USP37: variants seen among roughly 807,000 people sequenced by gnomAD.
The protein encoded by USP37 is ubiquitin specific peptidase 37.
A neutral mutation model predicts 124.0 loss-of-function variants in USP37; 27 were observed. That is an observed-to-expected ratio of 0.22 (90% CI 0.16 to 0.30). USP37 has a LOEUF of 0.30. Among genes scored for constraint, USP37 ranks in the 10% least tolerant of loss-of-function variants. The pLI is 1.00. For missense variants in USP37, 889 were observed against 1,140.4 expected, an observed-to-expected ratio of 0.78 and a Z score of 3.17; for synonymous variants, 365 against 388.0, an observed-to-expected ratio of 0.94 and a Z score of 0.70.
intron 20 of USP37, among the ~76,000 whole-genome samples, chr2:218,472,878 C>T (rs1304777819): frequency 6.6e-6 from 1 of 152,112 alleles, no homozygotes; most frequent in East Asian, 1.9e-4. Context: ...ATTCTCATTT[C>T]TCCAGTTGTT....
rs1479324789 is a variant in USP37 at position 218,562,664 on chromosome 2, A to G, written c.-89+9T>C. Reference sequence around the variant, plus strand: ...TGAAACATATATCCAAAACAAAAACATTACTTACTTTTCAGTGACTTTTAC... The same window carrying G: ...TGAAACATATATCCAAAACAAAAACGTTACTTACTTTTCAGTGACTTTTAC... On this transcript the variant is annotated intron_variant, in intron 2 of 25. Coordinates refer to ENST00000258399, the MANE Select transcript of USP37 (RefSeq NM_020935.3). The G allele has an allele frequency of 7.5e-6, 3 of 398,452 alleles. No homozygotes were observed. The highest frequency in any genetic ancestry group is 4.4e-6 in the Non-Finnish European group (1 of 225,988). 24.7% of individuals were successfully genotyped at this position (398,452 alleles called of 1,614,324 possible).
intron 15 of USP37, 75 bp downstream of exon 15, chr2:218,488,229 C>G (rs1270117603): frequency 1.1e-6 from 1 of 909,364 alleles, no homozygotes; most frequent in Non-Finnish European, 1.6e-6. Context: ...TTGAAGAAAC[C>G]AACTTCAAAT....
chr2:218,522,678 A>G (rs1690726299), intron 10 of USP37, among the ~76,000 whole-genome samples: 1 of 151,532 alleles, frequency 6.6e-6, no homozygotes, highest in South Asian at 2.1e-4. Flanking sequence ...TAATTTGGGG[A>G]TAAATGATAT....
At position 218,466,160 on chromosome 2, in the gene USP37, A is replaced by G. The variant is rs1490374824; in HGVS notation, c.2316T>C (p.Thr772=). The G allele has an allele frequency of 1.2e-6, 2 of 1,605,088 alleles. No homozygotes were observed. The highest frequency in any genetic ancestry group is 3.5e-5 in the Admixed American group (2 of 57,186). Residue 772 remains threonine (T), a synonymous_variant, in exon 21 of 26, where the codon ACT becomes ACC. Coordinates refer to ENST00000258399, the MANE Select transcript of USP37 (RefSeq NM_020935.3). ...TITELDPASF[T]EITKDCDENK... ...TCTCATCACAGTCTTTAGTTATCTC[A>G]GTAAAACTGGCAGGATCTGAGGAAG... is the stretch of plus-strand genomic sequence containing the variant.
chr2:218,482,216 C>T lies in USP37; in HGVS notation c.1689G>A (p.Leu563=). ...NRLPRVLILH[L]KRYSFNVALS... is the part of the protein sequence containing the mutation. Reference sequence around the variant, plus strand: ...GAGCCACATTGAAGCTATATCGTTTCAAATGGAGAATGAGGACCCTGAAAA... The same window carrying T: ...GAGCCACATTGAAGCTATATCGTTTTAAATGGAGAATGAGGACCCTGAAAA... Residue 563 remains leucine, a synonymous_variant, in exon 17 of 26, where the codon TTG becomes TTA. Transcript: ENST00000258399. 1 of 1,611,596 alleles carries T rather than the reference C, an allele frequency of 6.2e-7. No individual in the cohort carries two copies. The highest frequency in any genetic ancestry group is 8.5e-7 in the Non-Finnish European group (1 of 1,178,456).
intron 4 of USP37, among the ~76,000 whole-genome samples, chr2:218,557,895 T>G (rs369817932): frequency 8.7e-6 from 1 of 114,738 alleles, no homozygotes; most frequent in Non-Finnish European, 1.7e-5. Flanking sequence ...CATGTCATTG[T>G]ATTCCAGCCT....
At chr2:218,467,040 C>T (rs1432614604) in intron 20 of USP37, among the ~76,000 whole-genome samples, 1 of 151,984 alleles carries the variant, frequency 6.6e-6, no homozygotes, top group Admixed American at 6.6e-5. Flanking sequence ...CGATTTTCCC[C>T]ATTTATTACA....
chr2:218,455,135 T>G, intron 25 of USP37, 118 bp from the exon 26 acceptor site: 1 of 1,187,392 alleles, frequency 8.4e-7, no homozygotes, highest in Non-Finnish European at 1.2e-6. Flanking sequence ...TTCCATTTCA[T>G]GCCTGTATTT....
intron 14 of USP37, among the ~76,000 whole-genome samples, chr2:218,492,992 G>A (rs1447017559): frequency 6.6e-6 from 1 of 151,590 alleles, no homozygotes; most frequent in Non-Finnish European, 1.5e-5. Flanking sequence ...GGGTGACAGA[G>A]CAAGACTCTG....
At chr2:218,497,661 C>T (rs1007811031) in intron 13 of USP37, 73 bp downstream of exon 13, 1 of 1,584,244 alleles carries the variant, frequency 6.3e-7, no homozygotes, top group Admixed American at 1.7e-5. Flanking sequence ...CCTAGGCCTC[C>T]CAAAGTGCTG....
chr2:218,469,814 CTTTTTTT>C (rs71064451), intron 20 of USP37, among the ~76,000 whole-genome samples: 1 of 64,646 alleles, frequency 1.5e-5, no homozygotes, highest in Non-Finnish European at 2.8e-5. Flanking sequence ...ACTCAACATT[CTTTTTTT>C]TTTTTTTTTT....
At chr2:218,494,399 T>G (rs1688962195) in intron 14 of USP37, among the ~76,000 whole-genome samples, 1 of 152,040 alleles carries the variant, frequency 6.6e-6, no homozygotes, top group African/African-American at 2.4e-5. Flanking sequence ...AAGCTTCAGA[T>G]GAAAAGGCTC....
At position 218,485,645 on chromosome 2, in the gene USP37, A is replaced by G; in HGVS notation, c.1670+19T>C. ...TTCTTTAGTCCATAGCAAAAAAAAAAAAAAAAAAAAAAAATTACCTAGGAA... is the reference window on the plus strand; with the variant it reads ...TTCTTTAGTCCATAGCAAAAAAAAAGAAAAAAAAAAAAAATTACCTAGGAA... On this transcript the variant is annotated intron_variant, in intron 16 of 25. Coordinates refer to ENST00000258399, the MANE Select transcript of USP37 (RefSeq NM_020935.3). 6.4e-7 allele frequency: 1 copy of G among 1,553,596 alleles called. No homozygotes were observed. The highest frequency in any genetic ancestry group is 2.3e-5 in the East Asian group (1 of 43,908).
chr2:218,464,971 T>C (rs989808268), intron 21 of USP37, among the ~76,000 whole-genome samples: 3 of 151,906 alleles, frequency 2.0e-5, no homozygotes, highest in Admixed American at 1.3e-4. Context: ...TCCCATGTAC[T>C]TGAGAGGCCT....
chr2:218,485,621 T>C (rs776752413), intron 16 of USP37, 43 bp downstream of exon 16: 2 of 1,486,996 alleles, frequency 1.3e-6, no homozygotes, highest in South Asian at 1.3e-5. Flanking sequence ...ACCTGGGAAT[T>C]CTTTAGTCCA....
intron 14 of USP37, 102 bp from the exon 15 acceptor site, chr2:218,488,523 A>G (rs2105980998): frequency 1.4e-6 from 1 of 695,410 alleles, no homozygotes. Flanking sequence ...TGGTACTGAC[A>G]CACTATCACC....
At chr2:218,458,961 G>C (rs1028766946) in intron 23 of USP37, among the ~76,000 whole-genome samples, 1 of 151,992 alleles carries the variant, frequency 6.6e-6, no homozygotes, top group African/African-American at 2.4e-5. Context: ...AGTATACATG[G>C]AGGTGAGAAT....
Position 218,490,702 on chromosome 2 carries a change from C to T in USP37, c.1473-2281G>A, listed in dbSNP as rs1418149603. 2.0e-5 allele frequency among the ~76,000 whole-genome samples: 3 copies of T among 152,162 alleles called. No individual in the cohort carries two copies. The East Asian group carries it at 5.8e-4, about 29-fold the overall frequency. On this transcript the variant is annotated intron_variant, in intron 14 of 25. Transcript: ENST00000258399. The stretch of plus-strand genomic sequence containing the variant: ...GACCCTCGACTTTGTATATTTCTGT[C>T]CCCTTTGAGTGTGGGTAGAACCAAC...
intron 11 of USP37, among the ~76,000 whole-genome samples, chr2:218,502,785 T>C (rs1347913423): frequency 6.6e-6 from 1 of 152,128 alleles, no homozygotes; most frequent in African/African-American, 2.4e-5. Context: ...AACAGTAAAG[T>C]AGCATTATAA....
Sources: gnomAD v4.1 joint callset for allele counts (sites outside exome capture counted in the v4.1 genomes callset) on GRCh38, gnomAD v4.1.1 for gene constraint, MANE v1.5 for transcripts, NCBI Gene and HGNC (gene_info 2026-07-23, HGNC 2026-07-21) for gene names.